Variants in ANKIB1 observed in about 807,000 individuals in gnomAD.
The protein encoded by ANKIB1 is ankyrin repeat and IBR domain-containing protein 1.
ANKIB1 carries 43 observed loss-of-function variants against 122.1 expected under a neutral mutation model. That is an observed-to-expected ratio of 0.35 (90% CI 0.28 to 0.45). The LOEUF (loss-of-function observed/expected upper bound fraction) is 0.45. ANKIB1 is among the 20% of genes least tolerant of loss of function. ANKIB1 has a pLI of 1.00. For missense variants in ANKIB1, 992 were observed against 1,329.5 expected (o/e 0.75, Z 3.95); for synonymous variants, 390 against 442.0 (o/e 0.88, Z 1.48).
intron 2 of ANKIB1, among the ~76,000 whole-genome samples, chr7:92,303,107 A>G (rs1802487814): frequency 2.0e-5 from 3 of 152,198 alleles, no homozygotes; most frequent in African/African-American, 7.2e-5. Context: ...AGAATGTGGT[A>G]TGGGGTCAGA....
At chr7:92,276,116 A>G (rs1801899438) in intron 1 of ANKIB1, among the ~76,000 whole-genome samples, 1 of 152,220 alleles carries the variant, frequency 6.6e-6, no homozygotes, top group Non-Finnish European at 1.5e-5. Context: ...ATTACGTCTC[A>G]TTTAGATACA....
chr7:92,390,940 C>T (rs184372746), intron 15 of ANKIB1, among the ~76,000 whole-genome samples: 215 of 152,116 alleles, frequency 1.4e-3, no homozygotes, highest in Non-Finnish European at 1.3e-3. Context: ...ATCAAATGAG[C>T]GCTTTTTTAA....
intron 17 of ANKIB1, among the ~76,000 whole-genome samples, chr7:92,395,647 T>C (rs760207388): frequency 2.0e-5 from 3 of 150,604 alleles, no homozygotes; most frequent in Admixed American, 6.7e-5. Flanking sequence ...CAAGTGATTC[T>C]CCTGCCTCAG....
At chr7:92,301,649 G>A (rs935672776) in intron 2 of ANKIB1, among the ~76,000 whole-genome samples, 1 of 151,918 alleles carries the variant, frequency 6.6e-6, no homozygotes, top group Non-Finnish European at 1.5e-5. Context: ...TTTTCATTTT[G>A]CCAGATTATT....
At chr7:92,354,007 G>A (rs1234462032) in intron 9 of ANKIB1, among the ~76,000 whole-genome samples, 1 of 152,160 alleles carries the variant, frequency 6.6e-6, no homozygotes. Context: ...AGTTTTGAAG[G>A]GAAAAGAAGA....
At chr7:92,383,474 T>C (rs1399476175) in intron 11 of ANKIB1, among the ~76,000 whole-genome samples, 1 of 152,300 alleles carries the variant, frequency 6.6e-6, no homozygotes, top group East Asian at 1.9e-4. Flanking sequence ...CTGATGAACA[T>C]TGATGCAAAA....
At chr7:92,248,575 C>T (rs1213884916) in intron 1 of ANKIB1, among the ~76,000 whole-genome samples, 1 of 152,106 alleles carries the variant, frequency 6.6e-6, no homozygotes, top group Non-Finnish European at 1.5e-5. Flanking sequence ...GGAAAAGATT[C>T]CTCAGTGCTT....
At chr7:92,278,442 AC>A (rs1801949215) in intron 1 of ANKIB1, among the ~76,000 whole-genome samples, 1 of 151,978 alleles carries the variant, frequency 6.6e-6, no homozygotes, top group Non-Finnish European at 1.5e-5. Context: ...GAAGAGAGGA[AC>A]CCTTCCAAAA....
chr7:92,397,765 C>G lies in ANKIB1; in HGVS notation c.2438C>G (p.Ser813Cys). 6.2e-7 allele frequency: 1 copy of G among 1,611,438 alleles called. No homozygotes were observed. Among genetic ancestry groups the G allele is most frequent in the Non-Finnish European group, 8.5e-7 (1 of 1,179,090 alleles). ...AGCAGCAGCCGCAGGCCTGGCACAT[C>G]CGTGGTAAGTTCTGCATCTATGAGT... ...GGSSSRRPGTSVVSSASMSVL... is the reference protein window; with the variant it reads ...GGSSSRRPGTCVVSSASMSVL... The change falls in exon 19 of 20, where the codon TCC becomes TGC. Residue 813 changes from serine to cysteine, a missense_variant. This residue lies in a region of ANKIB1 where 384 missense variants were observed against 412.0 expected (regional missense o/e 0.93). Transcript: ENST00000265742.
At chr7:92,306,298 C>T (rs544698508) in intron 2 of ANKIB1, among the ~76,000 whole-genome samples, 1 of 152,172 alleles carries the variant, frequency 6.6e-6, no homozygotes, top group African/African-American at 2.4e-5. Flanking sequence ...GGTAGAATCC[C>T]TTCCCTTGCC....
chr7:92,360,084 AC>A (rs992991301), intron 9 of ANKIB1, among the ~76,000 whole-genome samples: 1 of 151,944 alleles, frequency 6.6e-6, no homozygotes, highest in African/African-American at 2.4e-5. Flanking sequence ...ATTTTTTTTT[AC>A]CATGTAACCA....
At position 92,371,497 on chromosome 7, in the gene ANKIB1, T is replaced by C; in HGVS notation, c.1507T>C (p.Tyr503His). 6.2e-7 allele frequency: 1 copy of C among 1,606,636 alleles called. No homozygotes were observed. Residue 503 changes from tyrosine to histidine, a missense_variant, in exon 11 of 20, where the codon TAC becomes CAC. This residue lies in a region of ANKIB1 where 521 missense variants were observed against 777.7 expected (regional missense o/e 0.67). Transcript: ENST00000265742. ...PEELVGVSEA[Y>H]EDAANCLWLL... ...CAAAGTTGTGGGAGTTAGTGAAGCC[T>C]ACGAGGATGCCGCCAATTGTCTCTG...
At chr7:92,310,232 A>G (rs1042638171) in intron 3 of ANKIB1, among the ~76,000 whole-genome samples, 11 of 152,004 alleles carry the variant, frequency 7.2e-5, no homozygotes, top group African/African-American at 2.7e-4. Context: ...CTATCAGCAT[A>G]TCACATCACA....
chr7:92,397,177 T>C (rs1446840251), intron 18 of ANKIB1, among the ~76,000 whole-genome samples: 1 of 152,070 alleles, frequency 6.6e-6, no homozygotes, highest in Non-Finnish European at 1.5e-5. Context: ...TAGAACTATA[T>C]AGACTGCAAG....
intron 4 of ANKIB1, among the ~76,000 whole-genome samples, chr7:92,321,737 A>G (rs1802917257): frequency 6.6e-6 from 1 of 152,286 alleles, no homozygotes; most frequent in East Asian, 1.9e-4. Flanking sequence ...ATTCCCAACA[A>G]TTTCGGAGCT....
chr7:92,379,322 G>A (rs979298054), intron 11 of ANKIB1, among the ~76,000 whole-genome samples: 1 of 152,168 alleles, frequency 6.6e-6, no homozygotes, highest in Non-Finnish European at 1.5e-5. Context: ...AACCTGGGAG[G>A]CAGAGCTTGC....
chr7:92,280,178 T>A (rs1329428020), intron 1 of ANKIB1, among the ~76,000 whole-genome samples: 1 of 152,194 alleles, frequency 6.6e-6, no homozygotes, highest in Non-Finnish European at 1.5e-5. Context: ...ATGATCCCTC[T>A]AGCATTTATG....
chr7:92,275,313 TA>T (rs1371552998), intron 1 of ANKIB1, among the ~76,000 whole-genome samples: 1 of 152,202 alleles, frequency 6.6e-6, no homozygotes, highest in African/African-American at 2.4e-5. Flanking sequence ...GACATCTCTG[TA>T]CTTAGATATT....
intron 9 of ANKIB1, among the ~76,000 whole-genome samples, chr7:92,357,887 T>G (rs1054062216): frequency 6.6e-6 from 1 of 152,166 alleles, no homozygotes; most frequent in Non-Finnish European, 1.5e-5. Flanking sequence ...TTACTATACT[T>G]TGGAGAATTC....
Sources: gnomAD v4.1 joint callset for allele counts (sites outside exome capture counted in the v4.1 genomes callset) on GRCh38, gnomAD v4.1.1 for gene constraint, gnomAD v4.1.1 regional missense constraint, MANE v1.5 for transcripts, NCBI Gene and HGNC (gene_info 2026-07-23, HGNC 2026-07-21) for gene names.